CALN1: variants seen among roughly 807,000 people sequenced by gnomAD.
CALN1 encodes the protein calcium-binding protein 8.
Under a neutral mutation model 30.6 loss-of-function variants are expected in CALN1, and 17 were observed. That is an observed-to-expected ratio of 0.56 (90% confidence interval 0.38 to 0.83). The LOEUF is 0.83. Among genes scored for constraint, CALN1 ranks in the 40% least tolerant of loss-of-function variants. The pLI, the probability that CALN1 is intolerant of heterozygous loss-of-function variation, is 0.00. For synonymous variants in CALN1, 156 were observed against 131.4 expected (o/e 1.19, Z -1.28); for missense variants, 291 against 354.9 (o/e 0.82, Z 1.45).
intron 4 of CALN1, among the ~76,000 whole-genome samples, chr7:72,067,516 T>C (rs1804105155): frequency 6.6e-6 from 1 of 152,114 alleles, no homozygotes; most frequent in South Asian, 2.1e-4. Context: ...TCCGGAAGTG[T>C]TGGAATTACA....
At chr7:72,280,470 C>A (rs1248244900) in intron 2 of CALN1, among the ~76,000 whole-genome samples, 1 of 152,224 alleles carries the variant, frequency 6.6e-6, no homozygotes, top group Non-Finnish European at 1.5e-5. Context: ...GTTTCCAAAT[C>A]TATCCTTATA....
intron 1 of CALN1, among the ~76,000 whole-genome samples, chr7:72,420,904 A>G (rs1015249285): frequency 1.6e-4 from 25 of 152,098 alleles, no homozygotes; most frequent in African/African-American, 6.0e-4. Context: ...ATGAGCCACC[A>G]CGCCTGGCCG....
the CALN1 span, among the ~76,000 whole-genome samples, chr7:72,487,854 GAGAA>G: frequency 0.043 from 3,001 of 69,350 alleles, 116 homozygotes; most frequent in Non-Finnish European, 0.053. Flanking sequence ...GAAAAAGAAA[GAGAA>G]AGAAAGAAAG....
intron 3 of CALN1, among the ~76,000 whole-genome samples, chr7:72,177,973 T>C (rs1394476202): frequency 6.6e-6 from 1 of 152,164 alleles, no homozygotes; most frequent in Non-Finnish European, 1.5e-5. Flanking sequence ...CAAGTGCTCT[T>C]GCTCAAAGAG....
intron 5 of CALN1, among the ~76,000 whole-genome samples, chr7:71,930,307 C>A (rs1440157963): frequency 6.6e-6 from 1 of 152,184 alleles, no homozygotes; most frequent in African/African-American, 2.4e-5. Context: ...CTTTGATTTG[C>A]GTTTCCTTAA....
At chr7:72,388,145 T>G (rs1479656710) in intron 2 of CALN1, among the ~76,000 whole-genome samples, 1 of 152,174 alleles carries the variant, frequency 6.6e-6, no homozygotes, top group Non-Finnish European at 1.5e-5. Context: ...AAATGATAAA[T>G]GTTTGAAGTG....
chr7:71,820,096 T>TA (rs1788504923), intron 5 of CALN1, among the ~76,000 whole-genome samples: 1 of 152,202 alleles, frequency 6.6e-6, no homozygotes, highest in Admixed American at 6.5e-5. Flanking sequence ...AAGGAACACT[T>TA]ACAATCTATT....
chr7:72,111,782 G>A (rs1338439337), intron 3 of CALN1, among the ~76,000 whole-genome samples: 2 of 150,166 alleles, frequency 1.3e-5, no homozygotes, highest in African/African-American at 4.9e-5. Flanking sequence ...ATGGCGTCTC[G>A]CTCTGTCACC....
chr7:72,464,597 C>G, the CALN1 span, among the ~76,000 whole-genome samples: 1 of 152,110 alleles, frequency 6.6e-6, no homozygotes, highest in African/African-American at 2.4e-5. Context: ...CTTAGAGTTG[C>G]TAAGCCCACC....
chr7:72,465,160 G>C, the CALN1 span, among the ~76,000 whole-genome samples: 1 of 152,120 alleles, frequency 6.6e-6, no homozygotes, highest in Non-Finnish European at 1.5e-5. Flanking sequence ...CAGAGGTCAG[G>C]GTACAGGTGG....
At chr7:72,000,102 C>T (rs867455876) in intron 5 of CALN1, among the ~76,000 whole-genome samples, 4 of 151,848 alleles carry the variant, frequency 2.6e-5, no homozygotes, top group Non-Finnish European at 4.4e-5. Context: ...ATCGAAGTTC[C>T]TATCTCAAGA....
At chr7:72,047,414 C>T (rs1055622235) in intron 4 of CALN1, among the ~76,000 whole-genome samples, 1 of 151,916 alleles carries the variant, frequency 6.6e-6, no homozygotes, top group South Asian at 2.1e-4. Flanking sequence ...ATAGCAAGAC[C>T]CCATCTCTAC....
At chr7:72,323,573 G>T (rs2129557455) in intron 2 of CALN1, among the ~76,000 whole-genome samples, 1 of 151,000 alleles carries the variant, frequency 6.6e-6, no homozygotes. Context: ...CAAGGCAGGG[G>T]AATAGCTTGA....
chr7:71,812,113 T>C (rs2116217177), intron 5 of CALN1, among the ~76,000 whole-genome samples: 1 of 152,308 alleles, frequency 6.6e-6, no homozygotes, highest in East Asian at 1.9e-4. Context: ...ATGCCCCAGA[T>C]AGAGGCTGTT....
intron 6 of CALN1, among the ~76,000 whole-genome samples, chr7:71,805,680 C>T (rs1239729924): frequency 3.3e-5 from 5 of 152,132 alleles, no homozygotes; most frequent in Non-Finnish European, 7.4e-5. Context: ...AACTTGCTTC[C>T]TCATAGGCGT....
chr7:72,006,782 A>C (rs1217381758), intron 5 of CALN1, among the ~76,000 whole-genome samples: 1 of 152,170 alleles, frequency 6.6e-6, no homozygotes, highest in Non-Finnish European at 1.5e-5. Context: ...CTGTAATTCA[A>C]ATATAAAGCT....
chr7:72,309,973 T>TGC (rs1419842198), intron 2 of CALN1, among the ~76,000 whole-genome samples: 2 of 152,168 alleles, frequency 1.3e-5, no homozygotes, highest in African/African-American at 4.8e-5. Flanking sequence ...CCCTGAGCAC[T>TGC]GCACCCTGTT....
intron 3 of CALN1, among the ~76,000 whole-genome samples, chr7:72,165,113 G>A (rs570654223): frequency 6.6e-6 from 1 of 152,260 alleles, no homozygotes; most frequent in East Asian, 1.9e-4. Context: ...TGTAAACAAG[G>A]AAGCAGATGT....
At chr7:72,045,159 G>A (rs1434037850) in intron 4 of CALN1, among the ~76,000 whole-genome samples, 1 of 152,180 alleles carries the variant, frequency 6.6e-6, no homozygotes, top group Non-Finnish European at 1.5e-5. Flanking sequence ...CACTCACCAT[G>A]GCTCCAGTGA....
Sources: gnomAD v4.1 joint callset for allele counts (sites outside exome capture counted in the v4.1 genomes callset) on GRCh38, gnomAD v4.1.1 for gene constraint, MANE v1.5 for transcripts, NCBI Gene and HGNC (gene_info 2026-07-23, HGNC 2026-07-21) for gene names.